C1orf198: variants seen among roughly 807,000 people sequenced by gnomAD.
The protein encoded by C1orf198 is uncharacterized protein C1orf198.
Under a neutral mutation model 31.4 loss-of-function variants are expected in C1orf198, and 17 were observed. The ratio of observed to expected loss-of-function variants is 0.54; its 90% CI spans 0.37 to 0.81. The LOEUF (loss-of-function observed/expected upper bound fraction) is 0.81, where lower values mean the gene tolerates loss of function less well. C1orf198 is among the 40% of genes least tolerant of loss of function. The pLI is 0.00. For synonymous variants in C1orf198, 175 were observed against 193.8 expected, an observed-to-expected ratio of 0.90 and a Z score of 0.81; for missense variants, 401 against 450.3, an observed-to-expected ratio of 0.89 and a Z score of 0.99.
At chr1:230,841,902 T>A (rs991417315) in intron 3 of C1orf198, among the ~76,000 whole-genome samples, 6 of 152,124 alleles carry the variant, frequency 3.9e-5, no homozygotes, top group Non-Finnish European at 8.8e-5. Context: ...TGTCTGTCGA[T>A]GGATGAGTGG....
chr1:230,846,987 C>T (rs576752715), intron 2 of C1orf198, among the ~76,000 whole-genome samples: 1 of 151,738 alleles, frequency 6.6e-6, no homozygotes, highest in South Asian at 2.1e-4. Context: ...CCTGTAGTCC[C>T]AGCTACTTGG....
chr1:230,863,101 G>T (rs530194261), intron 1 of C1orf198, among the ~76,000 whole-genome samples: 29 of 152,284 alleles, frequency 1.9e-4, no homozygotes, highest in African/African-American at 6.5e-4. Context: ...TGGAATCCAT[G>T]CTTTTCCCTT....
chr1:230,859,843 T>C (rs146556800), intron 1 of C1orf198, among the ~76,000 whole-genome samples: 10 of 152,302 alleles, frequency 6.6e-5, no homozygotes, highest in African/African-American at 2.4e-4. Context: ...TTAAAAATAA[T>C]AACATATATT....
Position 230,868,189 on chromosome 1 carries a change from G to T in C1orf198, c.324C>A (p.Phe108Leu). The T allele has an allele frequency of 2.9e-6, 4 of 1,377,528 alleles. No homozygotes were observed. Among genetic ancestry groups the T allele is most frequent in the Non-Finnish European group, 3.8e-6 (4 of 1,051,128 alleles). The allele number at this position is 1,377,528 out of a possible 1,614,324, so 85.3% of individuals were successfully genotyped here. A position where few individuals can be genotyped will look rare whatever the true frequency, so the allele number is the denominator to read the frequency against. The change falls in exon 1 of 4, where the codon TTC becomes TTA. Residue 108 changes from phenylalanine to leucine, a missense_variant. Coordinates refer to ENST00000366663, the MANE Select transcript of C1orf198 (RefSeq NM_032800.3). Reference sequence around the variant, plus strand: ...CCAGGCCCGCACCTACCTCGTCCCCGAAGCGCACCACCTTCTGGCCCGTGG... The same window carrying T: ...CCAGGCCCGCACCTACCTCGTCCCCTAAGCGCACCACCTTCTGGCCCGTGG... The part of the protein sequence containing the change: ...RGPTGQKVVR[F>L]GDEDLTWQDE...
At chr1:230,860,272 G>A (rs1205566398) in intron 1 of C1orf198, among the ~76,000 whole-genome samples, 2 of 152,146 alleles carry the variant, frequency 1.3e-5, no homozygotes, top group East Asian at 3.8e-4. Flanking sequence ...GAATGTAAAT[G>A]ATGCAGCCAT....
intron 2 of C1orf198, among the ~76,000 whole-genome samples, chr1:230,848,542 G>A (rs927985028): frequency 1.3e-5 from 2 of 152,054 alleles, no homozygotes; most frequent in African/African-American, 2.4e-5. Context: ...TATAAGAGAG[G>A]ATGTAAAATG....
At chr1:230,854,874 G>C (rs1669835232) in intron 2 of C1orf198, among the ~76,000 whole-genome samples, 1 of 152,128 alleles carries the variant, frequency 6.6e-6, no homozygotes, top group Admixed American at 6.5e-5. Flanking sequence ...CAAGTGCCTT[G>C]AGGTATCAGT....
In C1orf198 at chr1:230,843,432, G is replaced by A. The variant is rs760415143; in HGVS notation, c.849C>T (p.Leu283=). The change falls in exon 3 of 4, where the codon CTC becomes CTT. Residue 283 remains leucine (L), a synonymous_variant. Coordinates refer to ENST00000366663, the MANE Select transcript of C1orf198 (RefSeq NM_032800.3). This position sits in a 1 kb window ranked among gnomAD's most constrained non-coding sequence, Gnocchi z 4.9. ...SALHEAAPSQ[L]EGKLPSPDVR... ...CATCAGGAGATGGCAGCTTCCCCTC[G>A]AGCTGGGAGGGGGCAGCCTCGTGCA... The A allele has an allele frequency of 8.2e-6, 13 of 1,590,392 alleles. No individual in the cohort carries two copies. The highest frequency in any genetic ancestry group is 3.6e-5 in the Admixed American group (2 of 56,032).
intron 2 of C1orf198, among the ~76,000 whole-genome samples, chr1:230,849,232 A>G (rs987358455): frequency 6.6e-6 from 1 of 152,192 alleles, no homozygotes; most frequent in African/African-American, 2.4e-5. Flanking sequence ...CTCTTGAGAA[A>G]GGAGGTCATG....
chr1:230,864,976 C>G (rs889497922), intron 1 of C1orf198, among the ~76,000 whole-genome samples: 1 of 152,168 alleles, frequency 6.6e-6, no homozygotes, highest in African/African-American at 2.4e-5. Context: ...TCCCGAAACC[C>G]TACTGCTGGA....
At chr1:230,844,044 C>G in intron 2 of C1orf198, 148 bp from the exon 3 acceptor site, 1 of 821,090 alleles carries the variant, frequency 1.2e-6, no homozygotes, top group East Asian at 2.6e-5. Flanking sequence ...AACTGTCTGT[C>G]CTGAGTGGTG....
At chr1:230,848,712 C>T (rs1669655127) in intron 2 of C1orf198, among the ~76,000 whole-genome samples, 1 of 152,182 alleles carries the variant, frequency 6.6e-6, no homozygotes, top group South Asian at 2.1e-4. Flanking sequence ...CATCACCCTG[C>T]TGGGTGCTAG....
upstream of C1orf198, chr1:230,868,837 C>T (rs185468776): frequency 2.5e-3 from 396 of 158,078 alleles, 11 homozygotes; most frequent in Admixed American, 0.023. Flanking sequence ...GCCGGCGTGT[C>T]CCTGAGTCCG....
intron 2 of C1orf198, among the ~76,000 whole-genome samples, chr1:230,845,207 TAAAAAAATTA>T (rs1056692959): frequency 1.1e-4 from 10 of 89,840 alleles, no homozygotes; most frequent in African/African-American, 6.4e-4. Context: ...TACTAAAAAT[TAAAAAAATTA>T]AAAAAAAAAA....
chr1:230,866,929 G>C (rs1450392351), intron 1 of C1orf198, among the ~76,000 whole-genome samples: 2 of 152,182 alleles, frequency 1.3e-5, no homozygotes, highest in Non-Finnish European at 1.5e-5. Flanking sequence ...GATTCCATCA[G>C]AATAAAGAAA....
upstream of C1orf198, chr1:230,868,707 T>G: frequency 3.0e-5 from 3 of 99,946 alleles, no homozygotes; most frequent in Non-Finnish European, 4.1e-5. Context: ...CGGGAGCTCC[T>G]CCCTCCGGGC....
chr1:230,863,347 G>A (rs1670041021), intron 1 of C1orf198, among the ~76,000 whole-genome samples: 1 of 152,154 alleles, frequency 6.6e-6, no homozygotes, highest in Admixed American at 6.5e-5. Context: ...AAAGAAATGA[G>A]CAAAATATGA....
intron 1 of C1orf198, among the ~76,000 whole-genome samples, chr1:230,864,197 G>A (rs1442593933): frequency 6.6e-6 from 1 of 152,122 alleles, no homozygotes; most frequent in Non-Finnish European, 1.5e-5. Context: ...ATAATGTACA[G>A]GTAAAAACTT....
intron 2 of C1orf198, among the ~76,000 whole-genome samples, chr1:230,848,951 C>A (rs1669661658): frequency 6.6e-6 from 1 of 152,172 alleles, no homozygotes; most frequent in Non-Finnish European, 1.5e-5. Flanking sequence ...GCCCAGGGAC[C>A]TCATTCTACC....
Sources: allele counts gnomAD v4.1 joint callset (sites outside exome capture counted in the v4.1 genomes callset), GRCh38; gene constraint gnomAD v4.1.1; non-coding constraint Gnocchi (gnomAD v3.1); transcripts MANE v1.5; gene names NCBI Gene and HGNC (gene_info 2026-07-23, HGNC 2026-07-21).